FAM153A: variants seen among roughly 807,000 people sequenced by gnomAD.
FAM153A encodes protein FAM153A.
FAM153A carries 12 observed loss-of-function variants against 48.1 expected under a neutral mutation model. The ratio of observed to expected loss-of-function variants is 0.25; its 90% CI spans 0.16 to 0.40. The LOEUF is 0.40. FAM153A is among the 10% of genes least tolerant of loss of function. The pLI is 1.00. For missense variants in FAM153A, 111 were observed against 345.8 expected, an observed-to-expected ratio of 0.32 and a Z score of 5.38; for synonymous variants, 36 against 118.2, an observed-to-expected ratio of 0.30 and a Z score of 4.51.
chr5:177,760,870 T>G (rs1385160943), intron 1 of FAM153A, among the ~76,000 whole-genome samples: 2 of 129,034 alleles, frequency 1.5e-5, no homozygotes, highest in African/African-American at 6.0e-5. Flanking sequence ...TTATTCCTGA[T>G]GTCTTTACTG....
At chr5:177,769,650 A>C (rs1193059652) in intron 1 of FAM153A, among the ~76,000 whole-genome samples, 1 of 96,194 alleles carries the variant, frequency 1.0e-5, no homozygotes, top group African/African-American at 4.1e-5. Context: ...AGCTCAAGAG[A>C]GCTCAATGTG....
At chr5:177,761,162 C>T (rs1434714595) in intron 1 of FAM153A, among the ~76,000 whole-genome samples, 9 of 150,942 alleles carry the variant, frequency 6.0e-5, no homozygotes, top group African/African-American at 2.2e-4. Flanking sequence ...ACTTCCACAC[C>T]CACTCAGCCC....
chr5:177,748,010 G>C (rs1582442886), intron 3 of FAM153A, among the ~76,000 whole-genome samples: 1 of 6,892 alleles, frequency 1.5e-4, no homozygotes, highest in African/African-American at 3.3e-4. Flanking sequence ...CTTCCTTCCT[G>C]CCTCTCTCTC....
intron 26 of FAM153A, chr5:177,713,642 A>G (rs1582145201): frequency 1.3e-5 from 2 of 151,712 alleles, no homozygotes; most frequent in Non-Finnish European, 2.9e-5. Flanking sequence ...TCCTGACCTC[A>G]TGATCTGCCT....
At chr5:177,738,387 C>A (rs1209760326) in intron 10 of FAM153A, among the ~76,000 whole-genome samples, 1 of 151,392 alleles carries the variant, frequency 6.6e-6, no homozygotes, top group African/African-American at 2.5e-5. Context: ...CACCAAAGTC[C>A]ACTGTAAAAT....
At chr5:177,717,425 A>C (rs1387259620), downstream of FAM153A, 1 of 150,450 alleles carries the variant, frequency 6.6e-6, no homozygotes, top group Non-Finnish European at 1.5e-5. Flanking sequence ...AAGGAATGAG[A>C]AAAATCACCA....
At chr5:177,704,199 C>T (rs529004082), downstream of FAM153A, among the ~76,000 whole-genome samples, 1 of 45,442 alleles carries the variant, frequency 2.2e-5, no homozygotes, top group Non-Finnish European at 4.1e-5. Context: ...GTGATTGGAC[C>T]CTGGAGGCGG....
At chr5:177,736,594 C>A (rs776204359) in exon 12 of FAM153A, 3 of 1,574,800 alleles carry the variant, frequency 1.9e-6, no homozygotes, top group Non-Finnish European at 2.6e-6. Flanking sequence ...GCCAGTGTGT[C>A]TGGGTCCCCC....
In FAM153A at chr5:177,771,556, T is replaced by C. The variant is rs1458106961; in HGVS notation, c.-57+8893A>G. On this transcript the variant is annotated intron_variant, in intron 1 of 8. Transcript: ENST00000393518. Reference sequence around the variant, plus strand: ...CTAAAACTGTTGTGCAGGAAAGATTTCATATAGCAGGAGAGAGACTGCCGT... The same window carrying C: ...CTAAAACTGTTGTGCAGGAAAGATTCCATATAGCAGGAGAGAGACTGCCGT... 1.6e-4 allele frequency among the ~76,000 whole-genome samples: 15 copies of C among 95,410 alleles called. 6 individuals are homozygous for C. Among genetic ancestry groups the C allele is most frequent in the Non-Finnish European group, 3.2e-4 (15 of 46,298 alleles). 62.6% of individuals were successfully genotyped at this position (95,410 alleles called of 152,430 possible).
the FAM153A span, among the ~76,000 whole-genome samples, chr5:177,698,244 TG>T: frequency 1.6e-4 from 25 of 151,918 alleles, 1 homozygote; most frequent in African/African-American, 6.1e-4. Flanking sequence ...AAAAGGCTCT[TG>T]TGTGCTCTAA....
chr5:177,765,145 A>G lies in FAM153A; in HGVS notation c.-57+15304T>C, dbSNP rs1304558634. Reference sequence around the variant, plus strand: ...GCTACCAACACCTGGGCTGACCCCAATGTGGAAAGCTATAAATACCTGATG... The same window carrying G: ...GCTACCAACACCTGGGCTGACCCCAGTGTGGAAAGCTATAAATACCTGATG... On this transcript the variant is annotated intron_variant, in intron 1 of 8. Coordinates refer to the FAM153A transcript ENST00000393518. Among the ~76,000 whole-genome samples, 15 of 96,620 alleles carry G rather than the reference A, an allele frequency of 1.6e-4. 3 individuals carry two copies. Among genetic ancestry groups the G allele is most frequent in the East Asian group, 3.3e-4 (1 of 3,052 alleles). The allele number at this position is 96,620 out of a possible 152,430, so 63.4% of individuals were successfully genotyped here.
the FAM153A span, among the ~76,000 whole-genome samples, chr5:177,695,822 C>T: frequency 6.6e-6 from 1 of 151,518 alleles, no homozygotes; most frequent in African/African-American, 2.4e-5. Context: ...CAGAGGCACT[C>T]CTCACTCCTA....
chr5:177,713,564 A>G (rs567264104), intron 26 of FAM153A, among the ~76,000 whole-genome samples: 4 of 151,588 alleles, frequency 2.6e-5, no homozygotes, highest in Admixed American at 1.3e-4. Flanking sequence ...GTCATCTTAC[A>G]TATTTTCTTT....
At chr5:177,719,217 A>G (rs1582202606), downstream of FAM153A, among the ~76,000 whole-genome samples, 1 of 151,368 alleles carries the variant, frequency 6.6e-6, no homozygotes, top group East Asian at 1.9e-4. Context: ...AACTGTTATA[A>G]CTTCAGTCAA....
intron 2 of FAM153A, among the ~76,000 whole-genome samples, chr5:177,749,794 G>A (rs1350920069): frequency 1.4e-5 from 2 of 140,400 alleles, no homozygotes; most frequent in Non-Finnish European, 3.1e-5. Context: ...TAATCAGGAA[G>A]TAATAACTTA....
At chr5:177,701,528 G>A in the FAM153A span, among the ~76,000 whole-genome samples, 3 of 151,754 alleles carry the variant, frequency 2.0e-5, no homozygotes, top group South Asian at 4.1e-4. Flanking sequence ...TCATGCCACT[G>A]CACTCCAGCC....
chr5:177,737,216 C>T (rs552966556), intron 10 of FAM153A, 104 bp from the exon 13 acceptor site: 1 of 1,572,566 alleles, frequency 6.4e-7, no homozygotes, highest in Admixed American at 1.8e-5. Context: ...AAGGTGTGTT[C>T]ACAGCACAGA....
intron 1 of FAM153A, among the ~76,000 whole-genome samples, chr5:177,767,943 TA>T: frequency 1.4e-5 from 1 of 72,988 alleles, no homozygotes; most frequent in Non-Finnish European, 2.8e-5. Flanking sequence ...GGGCATCCTC[TA>T]AGTCAATTCT....
At chr5:177,703,202 G>A (rs1453037378), downstream of FAM153A, among the ~76,000 whole-genome samples, 1 of 152,070 alleles carries the variant, frequency 6.6e-6, no homozygotes, top group Non-Finnish European at 1.5e-5. Context: ...AGTTGCCCAA[G>A]GCCTTGGGAG....
Sources: allele counts gnomAD v4.1 joint callset (sites outside exome capture counted in the v4.1 genomes callset), GRCh38; gene constraint gnomAD v4.1.1; transcripts MANE v1.5; gene names NCBI Gene and HGNC (gene_info 2026-07-23, HGNC 2026-07-21).